PTPRD: variants seen among roughly 807,000 people sequenced by gnomAD.
PTPRD encodes protein tyrosine phosphatase receptor type D.
In PTPRD, 34 loss-of-function variants were observed where a neutral mutation model predicts 214.5. The ratio of observed to expected loss-of-function variants is 0.16; its 90% CI spans 0.12 to 0.21. The LOEUF (loss-of-function observed/expected upper bound fraction) is 0.21. Among genes scored for constraint, PTPRD ranks in the 10% least tolerant of loss-of-function variants. The pLI is 1.00. For missense variants in PTPRD, 2,545 were observed against 2,398.7 expected (o/e 1.06, Z -1.27); for synonymous variants, 1,128 against 845.7 (o/e 1.33, Z -5.79).
chr9:8,950,016 C>T (rs960230208), intron 11 of PTPRD, among the ~76,000 whole-genome samples: 1 of 152,090 alleles, frequency 6.6e-6, no homozygotes, highest in African/African-American at 2.4e-5. Flanking sequence ...GTGTTAGGTG[C>T]TTTGCCCATG....
chr9:9,653,383 A>T (rs1448993006), intron 7 of PTPRD, among the ~76,000 whole-genome samples: 6 of 135,294 alleles, frequency 4.4e-5, no homozygotes, highest in Admixed American at 7.4e-5. Context: ...AAAAAAAAAA[A>T]AAAGTGCCTC....
At chr9:9,126,099 C>G (rs1375788016) in intron 10 of PTPRD, among the ~76,000 whole-genome samples, 1 of 152,112 alleles carries the variant, frequency 6.6e-6, no homozygotes, top group Admixed American at 6.5e-5. Flanking sequence ...TTATACAGAG[C>G]TTTTAAAGGA....
At chr9:10,163,268 C>T (rs931435754) in intron 3 of PTPRD, among the ~76,000 whole-genome samples, 5 of 151,082 alleles carry the variant, frequency 3.3e-5, no homozygotes, top group Non-Finnish European at 7.4e-5. Context: ...TTTCCTGGAC[C>T]CTAAATCCAC....
intron 22 of PTPRD, among the ~76,000 whole-genome samples, chr9:8,506,885 C>G (rs994164265): frequency 9.2e-5 from 14 of 152,264 alleles, no homozygotes; most frequent in African/African-American, 3.4e-4. Flanking sequence ...AAAAATTCAT[C>G]TAGCCAAGGA....
chr9:10,211,970 T>TA (rs2099519481), intron 3 of PTPRD, among the ~76,000 whole-genome samples: 1 of 152,078 alleles, frequency 6.6e-6, no homozygotes, highest in Non-Finnish European at 1.5e-5. Flanking sequence ...TAAAACAAGA[T>TA]ACAGCAGGTC....
At chr9:10,243,016 T>A (rs893535829) in intron 3 of PTPRD, among the ~76,000 whole-genome samples, 4 of 151,884 alleles carry the variant, frequency 2.6e-5, no homozygotes, top group African/African-American at 9.7e-5. Flanking sequence ...TTCATACACA[T>A]TTCTGGTTTT....
At chr9:10,163,608 A>G (rs1485492033) in intron 3 of PTPRD, among the ~76,000 whole-genome samples, 1 of 151,526 alleles carries the variant, frequency 6.6e-6, no homozygotes, top group Non-Finnish European at 1.5e-5. Context: ...TATATAGATC[A>G]AAGACAAGAT....
intron 10 of PTPRD, among the ~76,000 whole-genome samples, chr9:9,110,506 T>C (rs1391009672): frequency 6.6e-6 from 1 of 152,134 alleles, no homozygotes; most frequent in Non-Finnish European, 1.5e-5. Context: ...CAAATGTGAC[T>C]CACCTCTTCT....
chr9:8,376,870 A>G (rs1038992715), intron 37 of PTPRD, 144 bp from the exon 38 acceptor site: 2 of 1,062,662 alleles, frequency 1.9e-6, no homozygotes, highest in South Asian at 3.2e-5. Flanking sequence ...TGTTATCCCA[A>G]TATATGTAAA....
chr9:8,354,009 A>G (rs2076344862), intron 39 of PTPRD, among the ~76,000 whole-genome samples: 1 of 140,954 alleles, frequency 7.1e-6, no homozygotes, highest in Non-Finnish European at 1.5e-5. Flanking sequence ...GCCAGGCTGG[A>G]GTGCAGTGGT....
At chr9:8,361,475 A>C (rs910151111) in intron 39 of PTPRD, among the ~76,000 whole-genome samples, 1 of 152,226 alleles carries the variant, frequency 6.6e-6, no homozygotes, top group African/African-American at 2.4e-5. Flanking sequence ...GTAGAAAAGC[A>C]GTCTAGGTAT....
intron 11 of PTPRD, among the ~76,000 whole-genome samples, chr9:8,847,351 C>T (rs2097718896): frequency 6.6e-6 from 1 of 151,704 alleles, no homozygotes; most frequent in Non-Finnish European, 1.5e-5. Flanking sequence ...TATTGATAAC[C>T]TAACTATAAA....
intron 3 of PTPRD, among the ~76,000 whole-genome samples, chr9:10,132,772 T>TA (rs1353805150): frequency 6.6e-6 from 1 of 152,172 alleles, no homozygotes; most frequent in Non-Finnish European, 1.5e-5. Context: ...TAGAATGAGG[T>TA]AAATATAATC....
chr9:10,146,701 C>T (rs1158309726), intron 3 of PTPRD, among the ~76,000 whole-genome samples: 7 of 152,056 alleles, frequency 4.6e-5, no homozygotes, highest in African/African-American at 9.7e-5. Context: ...CACAAGAAGC[C>T]GACCGAGCAC....
At chr9:8,360,493 C>G (rs1174048292) in intron 39 of PTPRD, among the ~76,000 whole-genome samples, 1 of 152,110 alleles carries the variant, frequency 6.6e-6, no homozygotes, top group Non-Finnish European at 1.5e-5. Context: ...TCTAAATGAT[C>G]AAGTCTAAAC....
At chr9:8,899,895 G>A (rs1351680653) in intron 11 of PTPRD, among the ~76,000 whole-genome samples, 3 of 152,180 alleles carry the variant, frequency 2.0e-5, no homozygotes, top group African/African-American at 7.2e-5. Flanking sequence ...ATTTGTTAAA[G>A]TTTTTAGAAT....
chr9:9,876,485 G>T (rs1031168374), intron 5 of PTPRD, among the ~76,000 whole-genome samples: 10 of 149,606 alleles, frequency 6.7e-5, no homozygotes, highest in African/African-American at 2.2e-4. Context: ...ATATCACCTC[G>T]AAAAAAAAAC....
rs1565712698 is a variant in PTPRD, at chr9:9,845,115, TTG to T, written c.-367-78266_-367-78265del. Among the ~76,000 whole-genome samples the T allele has an allele frequency of 2.3e-5, 2 of 88,854 alleles. 1 individual carries two copies. The highest frequency in any genetic ancestry group is 3.8e-3 in the East Asian group (2 of 532). 58.3% of individuals were successfully genotyped at this position (88,854 alleles called of 152,430 possible). A position where few individuals can be genotyped will look rare whatever the true frequency, so the allele number is the denominator to read the frequency against. On this transcript the variant is annotated intron_variant, in intron 5 of 45. Transcript: ENST00000381196. Reference sequence around the variant, plus strand: ...AGCTATATATATACTGCTATATATATTGCTCTATATATAGAGCAATATATATA... The same window carrying T: ...AGCTATATATATACTGCTATATATATCTCTATATATAGAGCAATATATATA...
At chr9:9,673,889 A>C (rs940758019) in intron 7 of PTPRD, among the ~76,000 whole-genome samples, 1 of 151,750 alleles carries the variant, frequency 6.6e-6, no homozygotes, top group African/African-American at 2.4e-5. Flanking sequence ...ATCATACTTA[A>C]AGTACTCGAT....
Sources: allele counts gnomAD v4.1 joint callset (sites outside exome capture counted in the v4.1 genomes callset), GRCh38; gene constraint gnomAD v4.1.1; transcripts MANE v1.5; gene names NCBI Gene and HGNC (gene_info 2026-07-23, HGNC 2026-07-21).